ELOVL2: variants seen among roughly 807,000 people sequenced by gnomAD.
ELOVL2 encodes the protein ELOVL fatty acid elongase 2.
A neutral mutation model predicts 37.7 loss-of-function variants in ELOVL2; 38 were observed. The ratio of observed to expected loss-of-function variants is 1.01; its 90% CI spans 0.78 to 1.32. The LOEUF (loss-of-function observed/expected upper bound fraction) is 1.32, where lower values mean the gene tolerates loss of function less well. Ranked by LOEUF, ELOVL2 falls within the 40% of genes most tolerant of loss-of-function variation. ELOVL2 has a pLI of 0.00. For missense variants in ELOVL2, 352 were observed against 363.6 expected (o/e 0.97, Z 0.26); for synonymous variants, 115 against 122.3 (o/e 0.94, Z 0.40).
At chr6:11,018,506 C>T (rs924745205) in intron 1 of ELOVL2, among the ~76,000 whole-genome samples, 3 of 152,136 alleles carry the variant, frequency 2.0e-5, no homozygotes, top group Non-Finnish European at 4.4e-5. Flanking sequence ...TTTCATTGAA[C>T]ACAGTTGAGG....
intron 1 of ELOVL2, among the ~76,000 whole-genome samples, chr6:11,038,278 T>G (rs7744440): frequency 0.38 from 58,260 of 152,054 alleles, 14,527 homozygotes; most frequent in African/African-American, 0.71. Context: ...AGTACTTGAA[T>G]CATATTTAAG....
intron 7 of ELOVL2, among the ~76,000 whole-genome samples, chr6:10,986,180 A>AT (rs1279541040): frequency 2.6e-5 from 4 of 151,984 alleles, no homozygotes; most frequent in Non-Finnish European, 5.9e-5. Flanking sequence ...AATGCTTGTG[A>AT]TTTTTTGTAC....
chr6:10,989,091 G>GT (rs1463294157), intron 7 of ELOVL2, among the ~76,000 whole-genome samples: 3 of 152,142 alleles, frequency 2.0e-5, no homozygotes, highest in Non-Finnish European at 2.9e-5. Flanking sequence ...TCAGACTTTG[G>GT]TAGCATGGTA....
At chr6:11,012,201 G>A (rs180755892) in intron 1 of ELOVL2, among the ~76,000 whole-genome samples, 47 of 136,810 alleles carry the variant, frequency 3.4e-4, no homozygotes, top group Admixed American at 2.8e-3. Context: ...ACATTGACTG[G>A]CACCTACTAT....
At chr6:11,030,512 G>A (rs1300295737) in intron 1 of ELOVL2, among the ~76,000 whole-genome samples, 1 of 152,000 alleles carries the variant, frequency 6.6e-6, no homozygotes, top group African/African-American at 2.4e-5. Context: ...TTTTTGTTGA[G>A]ATGGAGTCTC....
At chr6:11,011,524 C>T (rs75335638) in intron 1 of ELOVL2, among the ~76,000 whole-genome samples, 1 of 152,156 alleles carries the variant, frequency 6.6e-6, no homozygotes, top group Non-Finnish European at 1.5e-5. Flanking sequence ...AAAATATATT[C>T]ATAAATCCAG....
intron 1 of ELOVL2, among the ~76,000 whole-genome samples, chr6:11,022,487 GA>G (rs1782778192): frequency 1.3e-5 from 2 of 152,276 alleles, no homozygotes; most frequent in East Asian, 3.9e-4. Context: ...GAGAACTCTT[GA>G]AAAAACTCTC....
intron 3 of ELOVL2, among the ~76,000 whole-genome samples, chr6:11,004,375 T>TAA (rs1782443843): frequency 6.6e-6 from 1 of 151,784 alleles, no homozygotes; most frequent in South Asian, 2.1e-4. Flanking sequence ...ATACAAGCTA[T>TAA]AAAATCACTA....
chr6:11,030,889 A>G (rs1782920864), intron 1 of ELOVL2, among the ~76,000 whole-genome samples: 1 of 152,060 alleles, frequency 6.6e-6, no homozygotes, highest in Non-Finnish European at 1.5e-5. Flanking sequence ...ACATCTTCCC[A>G]ATCCTGTGTC....
At chr6:11,025,865 G>A (rs1782831834) in intron 1 of ELOVL2, among the ~76,000 whole-genome samples, 1 of 152,134 alleles carries the variant, frequency 6.6e-6, no homozygotes, top group African/African-American at 2.4e-5. Context: ...TTTAGATAAT[G>A]CTTTTTAGAA....
chr6:11,036,957 A>C (rs1231666306), intron 1 of ELOVL2, among the ~76,000 whole-genome samples: 6 of 151,228 alleles, frequency 4.0e-5, no homozygotes, highest in Admixed American at 2.6e-4. Context: ...GAGAGAGAGA[A>C]GGAGAGGGGA....
At chr6:11,001,175 G>A (rs116502457) in intron 3 of ELOVL2, among the ~76,000 whole-genome samples, 17 of 152,272 alleles carry the variant, frequency 1.1e-4, no homozygotes, top group Non-Finnish European at 1.0e-4. Flanking sequence ...TAGAGAGAGA[G>A]AGATTACTAA....
intron 1 of ELOVL2, among the ~76,000 whole-genome samples, chr6:11,038,169 C>T (rs1041115099): frequency 6.6e-6 from 1 of 152,090 alleles, no homozygotes; most frequent in South Asian, 2.1e-4. Flanking sequence ...TTGCCTCTCA[C>T]AAAAGTTTTT....
At chr6:11,000,899 C>G (rs1782368573) in intron 3 of ELOVL2, among the ~76,000 whole-genome samples, 1 of 152,160 alleles carries the variant, frequency 6.6e-6, no homozygotes, top group Non-Finnish European at 1.5e-5. Context: ...TTCAGACTTC[C>G]TAATTCATTG....
intron 1 of ELOVL2, among the ~76,000 whole-genome samples, chr6:11,040,890 C>T (rs1783089824): frequency 2.6e-5 from 4 of 152,286 alleles, no homozygotes; most frequent in South Asian, 2.1e-4. Flanking sequence ...TTCAAGCCCA[C>T]GAATGACCTC....
intron 1 of ELOVL2, among the ~76,000 whole-genome samples, chr6:11,038,060 T>A (rs1172777533): frequency 6.6e-6 from 1 of 152,140 alleles, no homozygotes; most frequent in Non-Finnish European, 1.5e-5. Flanking sequence ...TATTTTGGAT[T>A]GAGAATATTT....
Position 11,027,285 on chromosome 6 carries a change from G to A in ELOVL2, c.4-16476C>T, listed in dbSNP as rs193264326. Among the ~76,000 whole-genome samples the A allele has an allele frequency of 2.4e-3, 364 of 152,272 alleles. 1 individual carries two copies. Among genetic ancestry groups the A allele is most frequent in the Admixed American group, 6.1e-3 (93 of 15,294 alleles). On this transcript the variant is annotated intron_variant, in intron 1 of 7. Coordinates refer to ENST00000354666, the MANE Select transcript of ELOVL2 (RefSeq NM_017770.4). ...AAGAATGAGCTCTGCATGGTCCAGA[G>A]TCTTTGTTAGGAACAGAAATGAGCT...
intron 1 of ELOVL2, among the ~76,000 whole-genome samples, chr6:11,038,253 ATAG>A (rs1294428270): frequency 1.3e-5 from 2 of 152,226 alleles, no homozygotes; most frequent in Non-Finnish European, 1.5e-5. Flanking sequence ...TAAATGTAAA[ATAG>A]TATTATTATA....
chr6:11,009,884 C>T (rs1043158513), intron 2 of ELOVL2, among the ~76,000 whole-genome samples: 2 of 152,040 alleles, frequency 1.3e-5, no homozygotes, highest in African/African-American at 4.8e-5. Flanking sequence ...GAATAAATGA[C>T]TGGAAGGGGC....
Sources: gnomAD v4.1 joint callset for allele counts (sites outside exome capture counted in the v4.1 genomes callset) on GRCh38, gnomAD v4.1.1 for gene constraint, MANE v1.5 for transcripts, NCBI Gene and HGNC (gene_info 2026-07-23, HGNC 2026-07-21) for gene names.